Variants in PPP1CC observed in about 807,000 individuals in gnomAD.
PPP1CC encodes the protein protein phosphatase 1 catalytic subunit gamma.
A neutral mutation model predicts 38.4 loss-of-function variants in PPP1CC; 16 were observed. The ratio of observed to expected loss-of-function variants is 0.42; its 90% confidence interval spans 0.28 to 0.63. The LOEUF (loss-of-function observed/expected upper bound fraction) is 0.63. PPP1CC is among the 30% of genes least tolerant of loss of function. PPP1CC has a pLI of 0.25. For missense variants in PPP1CC, 170 were observed against 391.3 expected, an observed-to-expected ratio of 0.43 and a Z score of 4.77; for synonymous variants, 158 against 136.0, an observed-to-expected ratio of 1.16 and a Z score of -1.13.
downstream of PPP1CC, among the ~76,000 whole-genome samples, chr12:110,715,858 TG>T (rs779776383): frequency 6.6e-6 from 1 of 150,772 alleles, no homozygotes; most frequent in African/African-American, 2.5e-5. Flanking sequence ...TGACCTCAGG[TG>T]ATCTGCCTGC....
At chr12:110,711,315 G>A in the PPP1CC span, among the ~76,000 whole-genome samples, 2 of 150,688 alleles carry the variant, frequency 1.3e-5, no homozygotes, top group East Asian at 1.9e-4. Flanking sequence ...TTGGGAGCCC[G>A]AGGCAGGAAG....
intron 1 of PPP1CC, among the ~76,000 whole-genome samples, chr12:110,734,112 C>A (rs1442304832): frequency 6.6e-6 from 1 of 152,052 alleles, no homozygotes; most frequent in Non-Finnish European, 1.5e-5. Flanking sequence ...CACTACCCAC[C>A]ACACCCCCTC....
intron 1 of PPP1CC, among the ~76,000 whole-genome samples, chr12:110,737,582 T>C (rs1293682429): frequency 6.6e-6 from 1 of 150,930 alleles, no homozygotes; most frequent in Non-Finnish European, 1.5e-5. Flanking sequence ...ATTATCACAA[T>C]TGTTTCCACA....
In PPP1CC at chr12:110,742,792, A is replaced by G; in HGVS notation, c.-85T>C. 8.6e-7 allele frequency: 1 copy of G among 1,163,368 alleles called. No individual in the cohort carries two copies. Among genetic ancestry groups the G allele is most frequent in the African/African-American group, 1.6e-5 (1 of 62,512 alleles). 72.1% of individuals were successfully genotyped at this position (1,163,368 alleles called of 1,614,324 possible). On this transcript the variant is annotated 5_prime_UTR_variant, in exon 1 of 7. Coordinates refer to ENST00000335007, the MANE Select transcript of PPP1CC (RefSeq NM_002710.4). The stretch of plus-strand genomic sequence containing the variant: ...ACACCTCCTTTCCCACGCCACGAGC[A>G]GAGGCGGTGGTGGCGGCGGTGGCAG...
At chr12:110,733,158 C>T (rs1032385583) in intron 1 of PPP1CC, among the ~76,000 whole-genome samples, 1 of 152,116 alleles carries the variant, frequency 6.6e-6, no homozygotes, top group African/African-American at 2.4e-5. Flanking sequence ...GGAAATACTC[C>T]CGGTGAAAGA....
chr12:110,715,949 C>G (rs972919349), downstream of PPP1CC, among the ~76,000 whole-genome samples: 3 of 151,968 alleles, frequency 2.0e-5, no homozygotes, highest in African/African-American at 7.3e-5. Flanking sequence ...CACCACCTGT[C>G]GCTTTATTGC....
rs1218068054 is a variant in PPP1CC at position 110,719,850 on chromosome 12, A to C, written c.*1226T>G. 4 of 353,940 alleles carry C rather than the reference A, an allele frequency of 1.1e-5. No homozygotes were observed. The highest frequency in any genetic ancestry group is 8.4e-5 in the African/African-American group (4 of 47,496). The allele number at this position is 353,940 out of a possible 1,614,324, so 21.9% of individuals were successfully genotyped here. A position where few individuals can be genotyped will look rare whatever the true frequency, so the allele number is the denominator to read the frequency against. On this transcript the variant is annotated 3_prime_UTR_variant, in exon 7 of 7. Coordinates refer to ENST00000335007, the MANE Select transcript of PPP1CC (RefSeq NM_002710.4). The stretch of plus-strand genomic sequence containing the variant: ...ATTTATTCAGGAAAATCTATTCAAT[A>C]TGCCATCAACAGTTCTCCTGTGTGT...
the PPP1CC span, among the ~76,000 whole-genome samples, chr12:110,711,089 T>C: frequency 7.9e-5 from 12 of 151,922 alleles, no homozygotes; most frequent in Non-Finnish European, 1.6e-4. Flanking sequence ...GGCAGGAGAA[T>C]TGCTTGAACT....
downstream of PPP1CC, among the ~76,000 whole-genome samples, chr12:110,716,572 C>T (rs1217324705): frequency 6.6e-6 from 1 of 152,136 alleles, no homozygotes; most frequent in Non-Finnish European, 1.5e-5. Flanking sequence ...AGGCTGGTCT[C>T]ATACTCGTGA....
intron 3 of PPP1CC, among the ~76,000 whole-genome samples, chr12:110,730,004 C>A (rs992084664): frequency 6.6e-6 from 1 of 152,234 alleles, no homozygotes. Context: ...CTGATCATCA[C>A]ATCATAAAAG....
intron 1 of PPP1CC, among the ~76,000 whole-genome samples, chr12:110,739,569 G>T (rs2069989624): frequency 6.6e-6 from 1 of 152,152 alleles, no homozygotes; most frequent in Admixed American, 6.5e-5. Flanking sequence ...CAACCCTTAT[G>T]TATCAGAGGA....
chr12:110,710,412 T>C, the PPP1CC span, among the ~76,000 whole-genome samples: 1 of 148,874 alleles, frequency 6.7e-6, no homozygotes, highest in Non-Finnish European at 1.5e-5. Flanking sequence ...AACAAAAATA[T>C]TTTTGTTTTG....
At chr12:110,740,763 G>T (rs2070008771) in intron 1 of PPP1CC, among the ~76,000 whole-genome samples, 1 of 152,130 alleles carries the variant, frequency 6.6e-6, no homozygotes, top group South Asian at 2.1e-4. Context: ...CAATTTTAAA[G>T]ATCAAAATTA....
At chr12:110,710,576 G>A in the PPP1CC span, among the ~76,000 whole-genome samples, 42 of 151,682 alleles carry the variant, frequency 2.8e-4, no homozygotes, top group African/African-American at 9.4e-4. Flanking sequence ...AAATTAGCTG[G>A]GTGTGGTGGT....
At chr12:110,727,618 A>AT (rs2069814899) in intron 3 of PPP1CC, among the ~76,000 whole-genome samples, 1 of 152,186 alleles carries the variant, frequency 6.6e-6, no homozygotes, top group Admixed American at 6.5e-5. Flanking sequence ...AAGTTAAAAA[A>AT]AAAAAAAAAA....
the PPP1CC span, among the ~76,000 whole-genome samples, chr12:110,713,712 A>T: frequency 6.6e-6 from 1 of 152,252 alleles, no homozygotes; most frequent in East Asian, 1.9e-4. Context: ...GAGGCCTCCA[A>T]TATTATTTTG....
intron 1 of PPP1CC, among the ~76,000 whole-genome samples, chr12:110,737,386 G>C (rs1355371213): frequency 1.3e-5 from 2 of 150,094 alleles, no homozygotes; most frequent in Admixed American, 6.7e-5. Flanking sequence ...CTGAGGCTGA[G>C]GCAGGAGAAA....
At chr12:110,717,436 C>T (rs1335635053), downstream of PPP1CC, among the ~76,000 whole-genome samples, 1 of 152,178 alleles carries the variant, frequency 6.6e-6, no homozygotes, top group East Asian at 1.9e-4. Flanking sequence ...CTCTGTCGCC[C>T]AGGCTGGAGT....
Position 110,721,074 on chromosome 12 carries a change from A to T in PPP1CC, c.*2T>A, listed in dbSNP as rs1450447324. ...CCCGACTAGGCAGTGTCAAAACGACATCTATTTCTTTGCTTGCTTTGTGAT... is the reference window on the plus strand; with the variant it reads ...CCCGACTAGGCAGTGTCAAAACGACTTCTATTTCTTTGCTTGCTTTGTGAT... On this transcript the variant is annotated 3_prime_UTR_variant, in exon 7 of 7. Coordinates refer to ENST00000335007, the MANE Select transcript of PPP1CC (RefSeq NM_002710.4). 1 of 1,613,556 alleles carries T rather than the reference A, an allele frequency of 6.2e-7. No individual in the cohort carries two copies. The highest frequency in any genetic ancestry group is 1.7e-5 in the Admixed American group (1 of 60,004).
Sources: allele counts gnomAD v4.1 joint callset (sites outside exome capture counted in the v4.1 genomes callset), GRCh38; gene constraint gnomAD v4.1.1; transcripts MANE v1.5; gene names NCBI Gene and HGNC (gene_info 2026-07-23, HGNC 2026-07-21).